PDE1A: variants seen among roughly 807,000 people sequenced by gnomAD.
PDE1A encodes the protein dual specificity calcium/calmodulin-dependent 3',5'-cyclic nucleotide phosphodiesterase 1A.
In PDE1A, 35 loss-of-function variants were observed where a neutral mutation model predicts 61.7. The ratio of observed to expected loss-of-function variants is 0.57; its 90% CI spans 0.43 to 0.75. The LOEUF is 0.75. PDE1A is among the 30% of genes least tolerant of loss of function. The pLI is 0.00. For missense variants in PDE1A, 597 were observed against 630.6 expected (o/e 0.95, Z 0.57); for synonymous variants, 232 against 213.2 (o/e 1.09, Z -0.77).
intron 13 of PDE1A, among the ~76,000 whole-genome samples, chr2:182,172,975 G>A (rs529642802): frequency 7.2e-5 from 11 of 151,980 alleles, no homozygotes; most frequent in Admixed American, 3.3e-4. Flanking sequence ...TATGAACCAA[G>A]ATCTAGATAT....
the PDE1A span, among the ~76,000 whole-genome samples, chr2:182,656,186 C>T: frequency 1.3e-5 from 2 of 152,208 alleles, no homozygotes; most frequent in Non-Finnish European, 2.9e-5. Flanking sequence ...TACCACATTA[C>T]CCCAGGAGTT....
intron 2 of PDE1A, among the ~76,000 whole-genome samples, chr2:182,509,297 C>T (rs1372360846): frequency 6.6e-6 from 1 of 152,110 alleles, no homozygotes; most frequent in African/African-American, 2.4e-5. Flanking sequence ...GTAATGGTAG[C>T]ACATGTCCTA....
the PDE1A span, among the ~76,000 whole-genome samples, chr2:182,679,050 A>G: frequency 1.4e-5 from 2 of 143,392 alleles, no homozygotes; most frequent in Admixed American, 7.1e-5. Flanking sequence ...TGTCACCTAG[A>G]CTGGAGTGCA....
intron 1 of PDE1A, among the ~76,000 whole-genome samples, chr2:182,318,965 G>A (rs1020364257): frequency 6.6e-6 from 1 of 152,036 alleles, no homozygotes; most frequent in Non-Finnish European, 1.5e-5. Context: ...TTATAAAAAT[G>A]TGTTGAGAAC....
At chr2:182,531,665 C>G in the PDE1A span, among the ~76,000 whole-genome samples, 2 of 152,096 alleles carry the variant, frequency 1.3e-5, no homozygotes, top group Admixed American at 1.3e-4. Context: ...TAAGGAGAAG[C>G]AAACAAGTTC....
At chr2:182,245,220 C>G (rs964441304) in intron 2 of PDE1A, among the ~76,000 whole-genome samples, 3 of 152,128 alleles carry the variant, frequency 2.0e-5, no homozygotes, top group Non-Finnish European at 4.4e-5. Flanking sequence ...ACAGAAAAAT[C>G]GAGTGTATAG....
chr2:182,545,693 C>T, the PDE1A span, among the ~76,000 whole-genome samples: 2 of 152,068 alleles, frequency 1.3e-5, no homozygotes, highest in East Asian at 3.9e-4. Context: ...TATGAACAGA[C>T]CTGTCATATT....
intron 6 of PDE1A, among the ~76,000 whole-genome samples, chr2:182,229,363 A>G (rs1454617958): frequency 6.6e-6 from 1 of 152,038 alleles, no homozygotes; most frequent in Non-Finnish European, 1.5e-5. Flanking sequence ...CCTTCACAGG[A>G]AGGTCAGTTC....
At chr2:182,624,366 C>A in the PDE1A span, among the ~76,000 whole-genome samples, 1 of 152,162 alleles carries the variant, frequency 6.6e-6, no homozygotes, top group African/African-American at 2.4e-5. Context: ...ACAGAAGCCA[C>A]CGCATTTGTT....
At chr2:182,153,540 C>A (rs566648775) in intron 13 of PDE1A, among the ~76,000 whole-genome samples, 1 of 152,286 alleles carries the variant, frequency 6.6e-6, no homozygotes, top group South Asian at 2.1e-4. Context: ...TAGAAGGGAA[C>A]TTTGTGACTG....
the PDE1A span, among the ~76,000 whole-genome samples, chr2:182,715,202 A>G: frequency 6.6e-6 from 1 of 152,208 alleles, no homozygotes; most frequent in African/African-American, 2.4e-5. Flanking sequence ...TGTGAATCCT[A>G]GCTCTCAAAT....
At chr2:182,378,471 T>A (rs987771824) in intron 1 of PDE1A, among the ~76,000 whole-genome samples, 9 of 152,238 alleles carry the variant, frequency 5.9e-5, no homozygotes, top group African/African-American at 2.2e-4. Context: ...TTAAGACCTG[T>A]GTTATATAGT....
the PDE1A span, among the ~76,000 whole-genome samples, chr2:182,592,200 C>T: frequency 6.6e-6 from 1 of 152,196 alleles, no homozygotes; most frequent in South Asian, 2.1e-4. Flanking sequence ...AGTGATAAAG[C>T]TGATAGCAAT....
intron 1 of PDE1A, among the ~76,000 whole-genome samples, chr2:182,387,397 C>T (rs1396579094): frequency 2.0e-4 from 30 of 149,186 alleles, no homozygotes; most frequent in Admixed American, 2.0e-3. Context: ...CTGCCAGAAA[C>T]ACCCAAGAAT....
chr2:182,294,618 C>T (rs915350238), intron 1 of PDE1A, among the ~76,000 whole-genome samples: 1 of 152,078 alleles, frequency 6.6e-6, no homozygotes, highest in African/African-American at 2.4e-5. Context: ...ATCACATTAC[C>T]CTGTGTCTTT....
At chr2:182,149,674 T>G (rs1355999563) in intron 13 of PDE1A, among the ~76,000 whole-genome samples, 1 of 152,098 alleles carries the variant, frequency 6.6e-6, no homozygotes, top group African/African-American at 2.4e-5. Flanking sequence ...CCCTTAGTAC[T>G]TCATAAAAAA....
the PDE1A span, among the ~76,000 whole-genome samples, chr2:182,572,106 A>G: frequency 6.6e-6 from 1 of 152,180 alleles, no homozygotes; most frequent in Non-Finnish European, 1.5e-5. Context: ...CCAGGAACTG[A>G]CACTGTGCCT....
chr2:182,141,509 G>A (rs1423906503), exon 15 of PDE1A: 1 of 152,058 alleles, frequency 6.6e-6, no homozygotes, highest in African/African-American at 2.4e-5. Flanking sequence ...ACAAGATTCA[G>A]GTGAAACTAA....
At chr2:182,345,916 A>G (rs983208005) in intron 1 of PDE1A, among the ~76,000 whole-genome samples, 1 of 152,194 alleles carries the variant, frequency 6.6e-6, no homozygotes, top group Non-Finnish European at 1.5e-5. Context: ...TTTATTGTTT[A>G]TTATCTGTCT....
Sources: gnomAD v4.1 joint callset for allele counts (sites outside exome capture counted in the v4.1 genomes callset) on GRCh38, gnomAD v4.1.1 for gene constraint, MANE v1.5 for transcripts, NCBI Gene and HGNC (gene_info 2026-07-23, HGNC 2026-07-21) for gene names.